The following APP variants were observed in gnomAD, a reference collection of about 807,000 sequenced individuals.
APP encodes amyloid-beta precursor protein.
APP carries 31 observed loss-of-function variants against 101.4 expected under a neutral mutation model. The ratio of observed to expected loss-of-function variants is 0.31; its 90% confidence interval spans 0.23 to 0.41. The LOEUF is 0.41. Among genes scored for constraint, APP ranks in the 10% least tolerant of loss-of-function variants. APP has a pLI of 1.00. For synonymous variants in APP, 366 were observed against 364.4 expected (o/e 1.00, Z -0.05); for missense variants, 839 against 1,003.7 (o/e 0.84, Z 2.22).
intron 11 of APP, among the ~76,000 whole-genome samples, chr21:25,973,018 A>G (rs928123499): frequency 1.3e-5 from 2 of 152,216 alleles, no homozygotes; most frequent in Admixed American, 6.5e-5. Flanking sequence ...AATGTTTTCT[A>G]TAAGCCTAAA....
chr21:26,170,435 G>C, intron 1 of APP, 129 bp downstream of exon 1: 1 of 986,350 alleles, frequency 1.0e-6, no homozygotes, highest in East Asian at 3.0e-5. Context: ...CGCAAGCGGG[G>C]GCGGAGAGGA....
chr21:26,166,029 T>A (rs2063599502), intron 1 of APP, among the ~76,000 whole-genome samples: 1 of 152,172 alleles, frequency 6.6e-6, no homozygotes, highest in African/African-American at 2.4e-5. Context: ...TAACCAAGAT[T>A]AATCTAAAGA....
intron 1 of APP, among the ~76,000 whole-genome samples, chr21:26,160,309 T>C (rs1323687321): frequency 2.0e-5 from 3 of 152,218 alleles, no homozygotes; most frequent in Admixed American, 6.5e-5. Context: ...AAACACCCTA[T>C]GGGTTAGCCA....
chr21:26,028,992 C>T (rs986594352), intron 5 of APP, among the ~76,000 whole-genome samples: 1 of 152,014 alleles, frequency 6.6e-6, no homozygotes, highest in South Asian at 2.1e-4. Flanking sequence ...ATGCTGAAGT[C>T]GGGCACGGCA....
chr21:25,949,506 G>T (rs1600997368), intron 13 of APP, among the ~76,000 whole-genome samples: 1 of 152,212 alleles, frequency 6.6e-6, no homozygotes, highest in South Asian at 2.1e-4. Flanking sequence ...TGTCAAGGAA[G>T]GAGTTTTGGT....
At chr21:26,152,051 G>C (rs980767451) in intron 1 of APP, among the ~76,000 whole-genome samples, 3 of 151,906 alleles carry the variant, frequency 2.0e-5, no homozygotes, top group Admixed American at 1.3e-4. Context: ...CCGAGGCGGG[G>C]GGATCACGAG....
At chr21:25,938,290 C>T (rs1473071814) in intron 13 of APP, among the ~76,000 whole-genome samples, 1 of 152,126 alleles carries the variant, frequency 6.6e-6, no homozygotes, top group Admixed American at 6.5e-5. Flanking sequence ...TGGAAGTGAA[C>T]ACCACTAGAA....
At chr21:26,124,350 T>C (rs2830068) in intron 1 of APP, among the ~76,000 whole-genome samples, 98,182 of 151,982 alleles carry the variant, frequency 0.65, 32,185 homozygotes, top group East Asian at 0.76. Flanking sequence ...GTCCACGGAC[T>C]TCAGGCTCCT....
At chr21:26,122,310 T>A (rs1050116833) in intron 1 of APP, among the ~76,000 whole-genome samples, 3 of 152,202 alleles carry the variant, frequency 2.0e-5, no homozygotes, top group African/African-American at 7.2e-5. Context: ...TTCCACATTG[T>A]CCATACCCTT....
chr21:26,057,877 C>T (rs1450892771), intron 3 of APP, among the ~76,000 whole-genome samples: 1 of 152,160 alleles, frequency 6.6e-6, no homozygotes, highest in African/African-American at 2.4e-5. Context: ...CTGTGAAGTA[C>T]TTTAATATTA....
chr21:25,966,250 T>G (rs568901268), intron 11 of APP, among the ~76,000 whole-genome samples: 10 of 152,340 alleles, frequency 6.6e-5, no homozygotes, highest in African/African-American at 2.4e-4. Context: ...GTTTATAAGA[T>G]TTTGTTCACT....
chr21:26,005,171 T>C (rs904144135), intron 6 of APP, among the ~76,000 whole-genome samples: 27 of 152,130 alleles, frequency 1.8e-4, no homozygotes, highest in Non-Finnish European at 3.8e-4. Context: ...CCCAGCACTT[T>C]GGGAGGCCGA....
intron 3 of APP, among the ~76,000 whole-genome samples, chr21:26,055,222 C>G (rs1313013443): frequency 6.6e-6 from 1 of 152,170 alleles, no homozygotes; most frequent in Non-Finnish European, 1.5e-5. Flanking sequence ...TGCAGCTCCA[C>G]AGGGCCACAT....
intron 13 of APP, among the ~76,000 whole-genome samples, chr21:25,933,336 C>G (rs965614752): frequency 1.3e-5 from 2 of 152,160 alleles, no homozygotes; most frequent in African/African-American, 4.8e-5. Flanking sequence ...TTGCTGGGGT[C>G]AAGTGATTTT....
intron 17 of APP, among the ~76,000 whole-genome samples, chr21:25,884,588 ATC>A (rs10572923): frequency 0.16 from 24,665 of 152,140 alleles, 2,303 homozygotes; most frequent in African/African-American, 0.26. Context: ...CACTCTGTAA[ATC>A]TGTGTGCCAG....
At chr21:25,924,465 G>T (rs2039794411) in intron 13 of APP, among the ~76,000 whole-genome samples, 1 of 122,770 alleles carries the variant, frequency 8.1e-6, no homozygotes, top group Non-Finnish European at 1.7e-5. Flanking sequence ...CCTTTGCAGG[G>T]CCATGGATGA....
chr21:26,162,262 A>G lies in APP; in HGVS notation c.57+8302T>C, dbSNP rs560482441. ...GAAGATGGCTTCAGCCCAGGAGGCC[A>G]CGGCTACAGATCACACCACTGCACT... On this transcript the variant is annotated intron_variant, in intron 1 of 17. Transcript: ENST00000346798. Among the ~76,000 whole-genome samples the G allele has an allele frequency of 1.6e-3, 245 of 152,346 alleles. 1 individual carries two copies. The highest frequency in any genetic ancestry group is 2.8e-3 in the Non-Finnish European group (188 of 68,030).
rs570209710 is a variant in APP at position 25,967,550 on chromosome 21, T to C, written c.1458+7520A>G. 1.2e-4 allele frequency among the ~76,000 whole-genome samples: 18 copies of C among 152,356 alleles called. No individual in the cohort carries two copies. In the South Asian group the frequency reaches 3.5e-3, roughly 30 times the overall value. On this transcript the variant is annotated intron_variant, in intron 11 of 17. Transcript: ENST00000346798. ...TCAAGTCTTACAAATTAGGGGGTGC[T>C]AAGGTTTTCCAAACCTAGGCCTACA...
At chr21:26,133,801 A>G (rs1344633145) in intron 1 of APP, among the ~76,000 whole-genome samples, 1 of 152,172 alleles carries the variant, frequency 6.6e-6, no homozygotes, top group Non-Finnish European at 1.5e-5. Flanking sequence ...TAACTGGAAT[A>G]AAGAAAACAG....
Sources: gnomAD v4.1 joint callset for allele counts (sites outside exome capture counted in the v4.1 genomes callset) on GRCh38, gnomAD v4.1.1 for gene constraint, MANE v1.5 for transcripts, NCBI Gene and HGNC (gene_info 2026-07-23, HGNC 2026-07-21) for gene names.